The following ARHGAP15 variants were observed in gnomAD, a reference collection of about 807,000 sequenced individuals.
ARHGAP15 encodes the protein Rho GTPase activating protein 15.
In ARHGAP15, 51 loss-of-function variants were observed where a neutral mutation model predicts 63.7. That is an observed-to-expected ratio of 0.80 (90% CI 0.64 to 1.01). The LOEUF (loss-of-function observed/expected upper bound fraction) is 1.01, where lower values mean the gene tolerates loss of function less well. ARHGAP15 is among the 50% of genes least tolerant of loss of function. The pLI is 0.00. For missense variants in ARHGAP15, 560 were observed against 564.6 expected, an observed-to-expected ratio of 0.99 and a Z score of 0.08; for synonymous variants, 191 against 193.8, an observed-to-expected ratio of 0.99 and a Z score of 0.12.
chr2:143,416,558 T>C (rs1688687891), intron 6 of ARHGAP15, among the ~76,000 whole-genome samples: 1 of 152,184 alleles, frequency 6.6e-6, no homozygotes, highest in African/African-American at 2.4e-5. Context: ...TTGTTGTCAA[T>C]TTGCTTTGGT....
At position 143,645,305 on chromosome 2, in the gene ARHGAP15, T is replaced by G. The variant is rs1362637755; in HGVS notation, c.1138+21038T>G. The stretch of plus-strand genomic sequence containing the variant: ...TTTAACTCTAAGTCTACACTGTCAT[T>G]AAGTGTACTTAGATTTGTACCATAT... On this transcript the variant is annotated intron_variant, in intron 12 of 13. Transcript: ENST00000295095. Among the ~76,000 whole-genome samples the G allele has an allele frequency of 1.3e-4, 20 of 152,254 alleles. No homozygotes were observed. The South Asian group carries it at 3.5e-3, about 27-fold the overall frequency.
intron 6 of ARHGAP15, among the ~76,000 whole-genome samples, chr2:143,273,960 T>C (rs1326020560): frequency 2.0e-5 from 3 of 152,178 alleles, no homozygotes; most frequent in African/African-American, 4.8e-5. Context: ...TCTTCTGTTA[T>C]ATTATGACTG....
chr2:143,336,357 T>C (rs1684774530), intron 6 of ARHGAP15, among the ~76,000 whole-genome samples: 1 of 152,190 alleles, frequency 6.6e-6, no homozygotes, highest in Admixed American at 6.5e-5. Context: ...TACTGAAATC[T>C]GTGTTTTCTG....
At chr2:143,329,927 C>CAAA (rs374076426) in intron 6 of ARHGAP15, among the ~76,000 whole-genome samples, 1 of 109,210 alleles carries the variant, frequency 9.2e-6, no homozygotes, top group Admixed American at 9.4e-5. Flanking sequence ...CCCATCACTA[C>CAAA]AAAAAAAAAA....
chr2:143,764,999 T>G (rs1686897567), intron 13 of ARHGAP15, among the ~76,000 whole-genome samples: 1 of 152,196 alleles, frequency 6.6e-6, no homozygotes, highest in Non-Finnish European at 1.5e-5. Context: ...AGATAAATCT[T>G]ATCAATTTAG....
At chr2:143,681,101 G>T (rs1487558942) in intron 12 of ARHGAP15, among the ~76,000 whole-genome samples, 2 of 152,194 alleles carry the variant, frequency 1.3e-5, no homozygotes, top group Admixed American at 6.5e-5. Flanking sequence ...AGTGTAGTCT[G>T]TTAAACACCA....
intron 6 of ARHGAP15, among the ~76,000 whole-genome samples, chr2:143,277,650 T>C (rs1190737060): frequency 6.6e-6 from 1 of 151,834 alleles, no homozygotes; most frequent in Non-Finnish European, 1.5e-5. Flanking sequence ...TGCAATGGGG[T>C]CACAACACCC....
chr2:143,738,873 C>G (rs1685854433), intron 13 of ARHGAP15, among the ~76,000 whole-genome samples: 1 of 152,144 alleles, frequency 6.6e-6, no homozygotes. Context: ...TTGGTTCAAG[C>G]CTCCGCCCAT....
chr2:143,716,492 T>C (rs1574881644), intron 13 of ARHGAP15, among the ~76,000 whole-genome samples: 1 of 152,226 alleles, frequency 6.6e-6, no homozygotes, highest in East Asian at 1.9e-4. Flanking sequence ...CAACCCCAAC[T>C]TCCTTGTCTA....
chr2:143,251,009 T>G (rs1315406639), intron 6 of ARHGAP15, among the ~76,000 whole-genome samples: 1 of 152,032 alleles, frequency 6.6e-6, no homozygotes, highest in African/African-American at 2.4e-5. Flanking sequence ...TAATTACATT[T>G]ACCAGTATAA....
chr2:143,514,519 G>A (rs1238008841), intron 9 of ARHGAP15, among the ~76,000 whole-genome samples: 1 of 152,046 alleles, frequency 6.6e-6, no homozygotes, highest in African/African-American at 2.4e-5. Flanking sequence ...TAGTTTCCAT[G>A]TCCTGCCAAC....
intron 6 of ARHGAP15, among the ~76,000 whole-genome samples, chr2:143,346,228 ACTCT>A (rs61184430): frequency 0.43 from 59,110 of 138,410 alleles, 12,752 homozygotes; most frequent in African/African-American, 0.57. Flanking sequence ...TCTCACACAC[ACTCT>A]CTCTCACACA....
At chr2:143,314,642 C>G (rs1239927071) in intron 6 of ARHGAP15, 1 of 152,166 alleles carries the variant, frequency 6.6e-6, no homozygotes, top group Non-Finnish European at 1.5e-5. Flanking sequence ...GCTTATACAT[C>G]TCTTAAGTTT....
At chr2:143,655,363 G>A (rs1681383693) in intron 12 of ARHGAP15, among the ~76,000 whole-genome samples, 1 of 151,892 alleles carries the variant, frequency 6.6e-6, no homozygotes, top group African/African-American at 2.4e-5. Flanking sequence ...GAGAGAATAT[G>A]AGCCTTAAAG....
In ARHGAP15 at chr2:143,242,898, T is replaced by C. The variant is rs1693916138; in HGVS notation, c.385-7613T>C. The stretch of plus-strand genomic sequence containing the variant: ...AAACCAGTTATGTGATAAAACTTAA[T>C]TCCTCTAAACAGATTTTGTGTTTCG... On this transcript the variant is annotated intron_variant, in intron 5 of 13. Transcript: ENST00000295095. Among the ~76,000 whole-genome samples, 5 of 152,216 alleles carry C rather than the reference T, an allele frequency of 3.3e-5. No homozygotes were observed. In the South Asian group the frequency reaches 1.0e-3, roughly 31 times the overall value.
chr2:143,657,385 T>G (rs1191540537), intron 12 of ARHGAP15, among the ~76,000 whole-genome samples: 1 of 152,170 alleles, frequency 6.6e-6, no homozygotes, highest in African/African-American at 2.4e-5. Flanking sequence ...TCTGTACAAA[T>G]GAAATACTAT....
At chr2:143,472,856 G>C (rs1479738376) in intron 8 of ARHGAP15, among the ~76,000 whole-genome samples, 2 of 152,200 alleles carry the variant, frequency 1.3e-5, no homozygotes, top group African/African-American at 4.8e-5. Context: ...CTGGGCTCCA[G>C]GGAAGTTAAG....
chr2:143,757,109 C>T (rs1383504088), intron 13 of ARHGAP15, among the ~76,000 whole-genome samples: 1 of 151,910 alleles, frequency 6.6e-6, no homozygotes, highest in East Asian at 1.9e-4. Flanking sequence ...AAAAGTTCAC[C>T]TGAAAATTTT....
intron 12 of ARHGAP15, among the ~76,000 whole-genome samples, chr2:143,637,903 C>T (rs2105266136): frequency 6.6e-6 from 1 of 152,226 alleles, no homozygotes; most frequent in South Asian, 2.1e-4. Flanking sequence ...TGAAAAAATG[C>T]TCACCATCAC....
Sources: allele counts gnomAD v4.1 joint callset (sites outside exome capture counted in the v4.1 genomes callset), GRCh38; gene constraint gnomAD v4.1.1; transcripts MANE v1.5; gene names NCBI Gene and HGNC (gene_info 2026-07-23, HGNC 2026-07-21).